NUP210: variants seen among roughly 807,000 people sequenced by gnomAD.
NUP210 encodes nucleoporin 210.
NUP210 carries 151 observed loss-of-function variants against 196.0 expected under a neutral mutation model. That is an observed-to-expected ratio of 0.77 (90% CI 0.67 to 0.88). The LOEUF is 0.88. NUP210 is among the 40% of genes least tolerant of loss of function. The pLI is 0.00. For synonymous variants in NUP210, 1,070 were observed against 1,052.7 expected (o/e 1.02, Z -0.32); for missense variants, 2,314 against 2,493.7 (o/e 0.93, Z 1.53).
chr3:13,352,684 G>T (rs894661681), intron 18 of NUP210, among the ~76,000 whole-genome samples: 6 of 152,208 alleles, frequency 3.9e-5, no homozygotes, highest in Admixed American at 3.3e-4. Flanking sequence ...CAGATCTGAG[G>T]CCCCCAGGAA....
chr3:13,366,994 C>T (rs1434506142), intron 13 of NUP210, among the ~76,000 whole-genome samples: 1 of 151,400 alleles, frequency 6.6e-6, no homozygotes, highest in Non-Finnish European at 1.5e-5. Flanking sequence ...GGTGTGGTGG[C>T]GCATGCCTGT....
At chr3:13,368,884 A>G (rs894235429) in intron 13 of NUP210, among the ~76,000 whole-genome samples, 1 of 152,252 alleles carries the variant, frequency 6.6e-6, no homozygotes, top group Non-Finnish European at 1.5e-5. Flanking sequence ...TAACACTGCC[A>G]TGAACATGGG....
Position 13,371,828 on chromosome 3 carries a change from G to A in NUP210, c.1786+6C>T. 6.2e-7 allele frequency: 1 copy of A among 1,602,972 alleles called. No individual in the cohort carries two copies. Among genetic ancestry groups the A allele is most frequent in the Non-Finnish European group, 8.5e-7 (1 of 1,174,908 alleles). ...ATCTGGCACCTGCTCAGCAGCGCTG[G>A]TTTACCTGGGAGTGGCTGGAACACA... On this transcript the variant is annotated splice_donor_region_variant and intron_variant, in intron 13 of 39. Transcript: ENST00000254508.
At chr3:13,343,720 A>AG (rs2124865342) in intron 20 of NUP210, among the ~76,000 whole-genome samples, 1 of 152,322 alleles carries the variant, frequency 6.6e-6, no homozygotes, top group African/African-American at 2.4e-5. Flanking sequence ...TGAGCTGGCC[A>AG]CCTGCTGCTG....
intron 17 of NUP210, 63 bp downstream of exon 17, chr3:13,353,852 T>C: frequency 6.6e-7 from 1 of 1,504,452 alleles, no homozygotes; most frequent in Non-Finnish European, 9.1e-7. Flanking sequence ...TGGCCCACCT[T>C]GGCAGGCTTC....
At chr3:13,374,191 C>T (rs972284886) in intron 11 of NUP210, among the ~76,000 whole-genome samples, 2 of 152,158 alleles carry the variant, frequency 1.3e-5, no homozygotes, top group African/African-American at 4.8e-5. Flanking sequence ...CCACAGTGCA[C>T]ACTCATACAC....
chr3:13,351,343 T>C (rs933743983), intron 20 of NUP210, among the ~76,000 whole-genome samples: 3 of 152,210 alleles, frequency 2.0e-5, no homozygotes, highest in Non-Finnish European at 2.9e-5. Flanking sequence ...TCTTAAAGGA[T>C]TGATTGAAAG....
In NUP210 at chr3:13,323,387, G is replaced by C. The variant is rs769604545; in HGVS notation, c.4690C>G (p.Pro1564Ala). 1 of 1,614,158 alleles carries C rather than the reference G, an allele frequency of 6.2e-7. No homozygotes were observed. ...GCCTCCTGGAAGCTGGTCTGGATGG[G>C]GTGGAGGTGACGGGCCATGATCCTC... Reference protein sequence around the residue: ...PQRIMARHLHPIQTSFQEATA... With the variant: ...PQRIMARHLHAIQTSFQEATA... Residue 1564 changes from proline to alanine, a missense_variant, in exon 34 of 40, where the codon CCC becomes GCC. Transcript: ENST00000254508. This position sits in a 1 kb window ranked among gnomAD's most constrained non-coding sequence, Gnocchi z 4.3.
chr3:13,372,299 A>G (rs1190049149), intron 12 of NUP210, among the ~76,000 whole-genome samples: 2 of 152,202 alleles, frequency 1.3e-5, no homozygotes, highest in Non-Finnish European at 2.9e-5. Flanking sequence ...GGTGCGTGCA[A>G]AGGCCCTGCA....
rs1365825869 is a variant in NUP210 at position 13,403,455 on chromosome 3, T to C, written c.168-3594A>G. On this transcript the variant is annotated intron_variant, in intron 1 of 39. Transcript: ENST00000254508. ...TCATGACCCCATCACCTCCCAAAGG[T>C]GCTACCTCAAATGCCATCGCCTTGG... Among the ~76,000 whole-genome samples, 3 of 152,160 alleles carry C rather than the reference T, an allele frequency of 2.0e-5. No individual in the cohort carries two copies. In the East Asian group the frequency reaches 5.8e-4, roughly 29 times the overall value.
Position 13,340,080 on chromosome 3 carries a change from C to T in NUP210, c.3292-47G>A, listed in dbSNP as rs1235114423. 3 of 1,604,010 alleles carry T rather than the reference C, an allele frequency of 1.9e-6. No homozygotes were observed. The highest frequency in any genetic ancestry group is 1.7e-5 in the Admixed American group (1 of 59,716). On this transcript the variant is annotated intron_variant, in intron 24 of 39. Transcript: ENST00000254508. The surrounding 1 kb of genome is among the most constrained non-coding windows in gnomAD (Gnocchi z 4.0). Reference sequence around the variant, plus strand: ...GCGTGTCAGTGCCCGTCATGCCAGGCAGCCCGCACCTCCCACTCAGAGAGC... The same window carrying T: ...GCGTGTCAGTGCCCGTCATGCCAGGTAGCCCGCACCTCCCACTCAGAGAGC...
chr3:13,415,434 AGAT>A (rs1700316397), intron 1 of NUP210, among the ~76,000 whole-genome samples: 1 of 152,212 alleles, frequency 6.6e-6, no homozygotes, highest in Non-Finnish European at 1.5e-5. Flanking sequence ...AAATAGGCCC[AGAT>A]GATAACGCAA....
In NUP210 at chr3:13,351,971, G is replaced by A. The variant is rs151022164; in HGVS notation, c.2743C>T (p.Arg915Cys). 14 of 1,610,990 alleles carry A rather than the reference G, an allele frequency of 8.7e-6. No homozygotes were observed. The highest frequency in any genetic ancestry group is 8.4e-5 in the Admixed American group (5 of 59,878). The change falls in exon 20 of 40, where the codon CGC (arginine) becomes TGC (cysteine). Residue 915 changes from arginine (R) to cysteine (C), a missense_variant. Transcript: ENST00000254508. ...AAGTAACCTGAGCCTTCCCTGATGC[G>A]GAGCTCTGCCTGCAGGAGGCAGATG... ...YNHPGIQAEL[R>C]IREGSGYFFL...
rs571449161 is a variant in NUP210, at chr3:13,378,042, C to T, written c.1046-480G>A. Among the ~76,000 whole-genome samples the T allele has an allele frequency of 8.5e-5, 13 of 152,332 alleles. No individual in the cohort carries two copies. In the East Asian group the frequency reaches 1.9e-3, roughly 23 times the overall value. Reference sequence around the variant, plus strand: ...TCAGCCCTAAGTCCTGAGCTGACCTCGCCAGGACCAACCCTGGACTCATCC... The same window carrying T: ...TCAGCCCTAAGTCCTGAGCTGACCTTGCCAGGACCAACCCTGGACTCATCC... On this transcript the variant is annotated intron_variant, in intron 8 of 39. Transcript: ENST00000254508.
intron 15 of NUP210, among the ~76,000 whole-genome samples, chr3:13,359,815 T>A (rs1334017594): frequency 6.6e-6 from 1 of 152,174 alleles, no homozygotes; most frequent in Non-Finnish European, 1.5e-5. Flanking sequence ...CAGCTTTTGG[T>A]TTTCAGCATT....
At chr3:13,359,005 G>A (rs1292744602) in intron 15 of NUP210, among the ~76,000 whole-genome samples, 1 of 152,198 alleles carries the variant, frequency 6.6e-6, no homozygotes, top group Non-Finnish European at 1.5e-5. Flanking sequence ...GTCATATCTG[G>A]CCTCCTCTTT....
chr3:13,335,089 T>C (rs899201269), intron 28 of NUP210, among the ~76,000 whole-genome samples: 3 of 152,216 alleles, frequency 2.0e-5, no homozygotes, highest in African/African-American at 7.2e-5. Flanking sequence ...GGGTGCTCTA[T>C]GTGTGTTAAA....
At chr3:13,393,094 C>T (rs1280767915) in intron 3 of NUP210, among the ~76,000 whole-genome samples, 2 of 152,186 alleles carry the variant, frequency 1.3e-5, no homozygotes, top group East Asian at 3.9e-4. Flanking sequence ...GAATAGCTAC[C>T]CTGGGGCTTC....
At position 13,340,098 on chromosome 3, in the gene NUP210, CAG is replaced by C. The variant is rs1697404298; in HGVS notation, c.3292-67_3292-66del. ...TGCCAGGCAGCCCGCACCTCCCACT[CAG>C]AGAGCCAGGGCCCCAGTGCAGGCAG... On this transcript the variant is annotated intron_variant, in intron 24 of 39. Transcript: ENST00000254508. This position sits in a 1 kb window ranked among gnomAD's most constrained non-coding sequence, Gnocchi z 4.0. 1.2e-6 allele frequency: 2 copies of C among 1,601,420 alleles called. No individual in the cohort carries two copies. The highest frequency in any genetic ancestry group is 1.7e-6 in the Non-Finnish European group (2 of 1,171,680).
Sources: gnomAD v4.1 joint callset for allele counts (sites outside exome capture counted in the v4.1 genomes callset) on GRCh38, gnomAD v4.1.1 for gene constraint, Gnocchi (gnomAD v3.1) non-coding constraint, MANE v1.5 for transcripts, NCBI Gene and HGNC (gene_info 2026-07-23, HGNC 2026-07-21) for gene names.